The following ATP6V0A1 variants were observed in gnomAD, a reference collection of about 807,000 sequenced individuals.
The protein encoded by ATP6V0A1 is V-type proton ATPase 116 kDa subunit a 1.
ATP6V0A1 carries 43 observed loss-of-function variants against 105.4 expected under a neutral mutation model. The ratio of observed to expected loss-of-function variants is 0.41; its 90% CI spans 0.32 to 0.53. The LOEUF is 0.53. Among genes scored for constraint, ATP6V0A1 ranks in the 20% least tolerant of loss-of-function variants. The pLI is 0.30. For missense variants in ATP6V0A1, 676 were observed against 1,051.1 expected (o/e 0.64, Z 4.93); for synonymous variants, 362 against 372.8 (o/e 0.97, Z 0.33).
rs901191354 is a variant in ATP6V0A1 at position 42,470,184 on chromosome 17, T to G, written c.389T>G (p.Phe130Cys). The stretch of plus-strand genomic sequence containing the variant: ...TTCCTGGAACTGACCGAATTAAAAT[T>G]TATACTTCGCAAAACTCAGCAATTT... ...RNFLELTELK[F>C]ILRKTQQFFD... The change falls in exon 5 of 22, where the codon TTT becomes TGT. Residue 130 changes from phenylalanine (F) to cysteine (C), a missense_variant. Phe to Cys is a radical substitution (Grantham distance 205). Around this residue, in one of 3 missense-constraint regions of ATP6V0A1, gnomAD observed 239 missense variants for 388.4 expected, o/e 0.62. Transcript: ENST00000343619. 2 of 1,613,118 alleles carry G rather than the reference T, an allele frequency of 1.2e-6. No individual in the cohort carries two copies. The highest frequency in any genetic ancestry group is 2.7e-5 in the African/African-American group (2 of 74,908).
At chr17:42,466,936 A>G (rs1325913583) in intron 3 of ATP6V0A1, among the ~76,000 whole-genome samples, 2 of 152,074 alleles carry the variant, frequency 1.3e-5, no homozygotes, top group African/African-American at 4.8e-5. Flanking sequence ...TCACGAGGTC[A>G]GGAGATCGAG....
intron 3 of ATP6V0A1, among the ~76,000 whole-genome samples, chr17:42,467,624 A>G (rs781085628): frequency 2.1e-4 from 32 of 152,154 alleles, no homozygotes; most frequent in Non-Finnish European, 3.5e-4. Context: ...CAAATATTCT[A>G]TTGCATTATA....
chr17:42,499,854 C>T (rs994813244), intron 15 of ATP6V0A1, among the ~76,000 whole-genome samples: 6 of 151,758 alleles, frequency 4.0e-5, no homozygotes, highest in African/African-American at 1.5e-4. Flanking sequence ...ATTTACTGTT[C>T]CAGTAAAGAT....
chr17:42,465,955 ACT>A (rs1419899675), intron 2 of ATP6V0A1, among the ~76,000 whole-genome samples: 1 of 152,024 alleles, frequency 6.6e-6, no homozygotes, highest in East Asian at 1.9e-4. Context: ...ACAGAGCAAG[ACT>A]CTGTCTCAAA....
chr17:42,473,270 A>C (rs190810890), intron 5 of ATP6V0A1, among the ~76,000 whole-genome samples: 1 of 152,334 alleles, frequency 6.6e-6, no homozygotes, highest in African/African-American at 2.4e-5. Flanking sequence ...TGCAATAGGC[A>C]TCGCCACTTA....
intron 15 of ATP6V0A1, 22 bp from the exon 16 acceptor site, chr17:42,500,685 T>C: frequency 6.3e-7 from 1 of 1,589,440 alleles, no homozygotes; most frequent in Non-Finnish European, 8.6e-7. Context: ...ACCCTTAACA[T>C]TTTTTTCTCT....
intron 21 of ATP6V0A1, chr17:42,520,359 G>T (rs572968409): frequency 1.8e-4 from 81 of 447,140 alleles, no homozygotes; most frequent in African/African-American, 1.6e-3. Context: ...CTCCCTGAGA[G>T]TGAAAGGGCC....
chr17:42,468,520 C>G (rs1019338498), intron 4 of ATP6V0A1, among the ~76,000 whole-genome samples: 1 of 152,162 alleles, frequency 6.6e-6, no homozygotes, highest in Non-Finnish European at 1.5e-5. Flanking sequence ...TAACCAACCT[C>G]TCTTCATCCC....
chr17:42,465,854 T>G (rs1308638847), intron 2 of ATP6V0A1, among the ~76,000 whole-genome samples: 1 of 151,792 alleles, frequency 6.6e-6, no homozygotes, highest in African/African-American at 2.4e-5. Flanking sequence ...TAATCCCAGC[T>G]ACTCAAGAGG....
Position 42,508,573 on chromosome 17 carries a change from C to T in ATP6V0A1, c.2114C>T (p.Pro705Leu). The change falls in exon 19 of 22, where the codon CCT becomes CTT. Residue 705 changes from proline to leucine, a missense_variant and splice_region_variant. By Grantham distance (98) the Pro-to-Leu change is moderately conservative (BLOSUM62 -3). This residue lies in a region of ATP6V0A1 where 435 missense variants were observed against 642.2 expected (regional missense o/e 0.68). Transcript: ENST00000343619. ...TAAGTGTAAATTTGTGTTTTCAAGC[C>T]TTCCGAGGACGAAGTGGTAAGATGA... ...LSTHSEDADEPSEDEVFDFGD... is the reference protein window; with the variant it reads ...LSTHSEDADELSEDEVFDFGD... 6.2e-7 allele frequency: 1 copy of T among 1,614,000 alleles called. No homozygotes were observed. Among genetic ancestry groups the T allele is most frequent in the Non-Finnish European group, 8.5e-7 (1 of 1,179,904 alleles).
intron 17 of ATP6V0A1, among the ~76,000 whole-genome samples, chr17:42,506,501 G>A (rs908280309): frequency 6.6e-6 from 1 of 152,244 alleles, no homozygotes; most frequent in Non-Finnish European, 1.5e-5. Context: ...GGGCAGCTGC[G>A]CAGGCCTCCT....
At chr17:42,500,582 T>C in intron 15 of ATP6V0A1, 125 bp from the exon 16 acceptor site, 1 of 728,778 alleles carries the variant, frequency 1.4e-6, no homozygotes, top group Non-Finnish European at 2.3e-6. Flanking sequence ...TGGTTGCTGC[T>C]GCTTAAAGTG....
Position 42,521,654 on chromosome 17 carries a change from G to C in ATP6V0A1, c.*534G>C. The stretch of plus-strand genomic sequence containing the variant: ...TTTGCGTCTTTTGCCCACCCCCCTG[G>C]CATTCAGCTGGACCCAACTAGGCCA... On this transcript the variant is annotated 3_prime_UTR_variant, in exon 22 of 22. Transcript: ENST00000343619. The surrounding 1 kb of genome is among the most constrained non-coding windows in gnomAD (Gnocchi z 4.8). 6.6e-6 allele frequency: 1 copy of C among 152,378 alleles called. No homozygotes were observed. 9.4% of individuals were successfully genotyped at this position (152,378 alleles called of 1,614,324 possible).
intron 11 of ATP6V0A1, among the ~76,000 whole-genome samples, chr17:42,492,225 C>T (rs936942034): frequency 6.7e-6 from 1 of 148,154 alleles, no homozygotes; most frequent in African/African-American, 2.5e-5. Flanking sequence ...AAAAATTAGC[C>T]GGATTTGGTG....
chr17:42,481,844 G>T (rs568810544), intron 8 of ATP6V0A1, among the ~76,000 whole-genome samples: 2 of 152,134 alleles, frequency 1.3e-5, no homozygotes, highest in Middle Eastern at 3.4e-3. Flanking sequence ...CTGCCTTAGG[G>T]ACAGATCTTT....
At position 42,458,901 on chromosome 17, in the gene ATP6V0A1, C is replaced by T. The variant is rs1032388450; in HGVS notation, c.-110C>T. ...GCACGTCGAAGCGCTGCTCCTGGAGCCGCGGAGGGTGCGGGTTTGGCTGCG... is the reference window on the plus strand; with the variant it reads ...GCACGTCGAAGCGCTGCTCCTGGAGTCGCGGAGGGTGCGGGTTTGGCTGCG... On this transcript the variant is annotated 5_prime_UTR_variant, in exon 1 of 22. Coordinates refer to ENST00000343619, the MANE Select transcript of ATP6V0A1 (RefSeq NM_001130021.3). 2 of 153,656 alleles carry T rather than the reference C, an allele frequency of 1.3e-5. No individual in the cohort carries two copies. Among genetic ancestry groups the T allele is most frequent in the Non-Finnish European group, 2.9e-5 (2 of 68,924 alleles). The allele number at this position is 153,656 out of a possible 1,614,324, so 9.5% of individuals were successfully genotyped here.
At position 42,478,118 on chromosome 17, in the gene ATP6V0A1, A is replaced by G. The variant is rs957167066; in HGVS notation, c.507-345A>G. Among the ~76,000 whole-genome samples the G allele has an allele frequency of 2.7e-5, 4 of 149,778 alleles. No homozygotes were observed. The East Asian group carries it at 7.9e-4, about 30-fold the overall frequency. On this transcript the variant is annotated intron_variant, in intron 6 of 21. Transcript: ENST00000343619. Reference sequence around the variant, plus strand: ...CAGCAAACTATCACAAGGACAAAAAACCAAACACCACATGTTCTCACTCAT... The same window carrying G: ...CAGCAAACTATCACAAGGACAAAAAGCCAAACACCACATGTTCTCACTCAT...
intron 14 of ATP6V0A1, among the ~76,000 whole-genome samples, 160 bp from the exon 15 acceptor site, chr17:42,498,764 T>G (rs919852083): frequency 4.6e-5 from 7 of 152,180 alleles, no homozygotes; most frequent in African/African-American, 1.7e-4. Flanking sequence ...AGGCAGAGCT[T>G]GCAGTGAGCT....
chr17:42,508,618 G>T, intron 19 of ATP6V0A1, 29 bp downstream of exon 19: 1 of 1,613,840 alleles, frequency 6.2e-7, no homozygotes, highest in Non-Finnish European at 8.5e-7. Context: ...TTGCCTTCGT[G>T]TTTATCCGGG....
Sources: allele counts gnomAD v4.1 joint callset (sites outside exome capture counted in the v4.1 genomes callset), GRCh38; gene constraint gnomAD v4.1.1; regional missense constraint gnomAD v4.1.1; non-coding constraint Gnocchi (gnomAD v3.1); transcripts MANE v1.5; gene names NCBI Gene and HGNC (gene_info 2026-07-23, HGNC 2026-07-21).